The following ARHGEF10L variants were observed in gnomAD, a reference collection of about 807,000 sequenced individuals.
The protein encoded by ARHGEF10L is Rho guanine nucleotide exchange factor 10 like.
A neutral mutation model predicts 141.2 loss-of-function variants in ARHGEF10L; 69 were observed. That is an observed-to-expected ratio of 0.49 (90% CI 0.40 to 0.60). The LOEUF is 0.60. ARHGEF10L is among the 20% of genes least tolerant of loss of function. The pLI is 0.00. For synonymous variants in ARHGEF10L, 711 were observed against 718.5 expected (o/e 0.99, Z 0.17); for missense variants, 1,482 against 1,734.3 (o/e 0.85, Z 2.58).
At chr1:17,659,129 T>C (rs74061914) in intron 25 of ARHGEF10L, among the ~76,000 whole-genome samples, 10,707 of 152,112 alleles carry the variant, frequency 0.07, 1,195 homozygotes, top group African/African-American at 0.24. Context: ...AAGCACTGGG[T>C]TCCCTCTGGC....
intron 1 of ARHGEF10L, among the ~76,000 whole-genome samples, chr1:17,564,135 G>T (rs1045622435): frequency 6.6e-6 from 1 of 152,202 alleles, no homozygotes; most frequent in East Asian, 1.9e-4. Context: ...GGCACATAGT[G>T]CTTGCTCTGG....
At chr1:17,600,157 G>T (rs1425038708) in intron 4 of ARHGEF10L, among the ~76,000 whole-genome samples, 1 of 152,236 alleles carries the variant, frequency 6.6e-6, no homozygotes, top group Non-Finnish European at 1.5e-5. Flanking sequence ...TGCAGAAGAT[G>T]CCAGGATCCT....
the ARHGEF10L span, among the ~76,000 whole-genome samples, chr1:17,518,738 G>A: frequency 6.8e-6 from 1 of 147,516 alleles, no homozygotes. Flanking sequence ...GTTGCGGTGA[G>A]CCAAGATTGT....
chr1:17,668,301 C>T (rs760373045), intron 26 of ARHGEF10L, among the ~76,000 whole-genome samples: 2 of 152,232 alleles, frequency 1.3e-5, no homozygotes, highest in Admixed American at 6.5e-5. Flanking sequence ...GCCATCCTCT[C>T]GCCTCACTGG....
intron 25 of ARHGEF10L, among the ~76,000 whole-genome samples, chr1:17,663,071 G>A (rs1199896295): frequency 6.6e-6 from 1 of 152,200 alleles, no homozygotes; most frequent in Non-Finnish European, 1.5e-5. Flanking sequence ...GGCAGCCACC[G>A]GGGTTCTGTG....
At chr1:17,629,384 T>G (rs2060555782) in intron 15 of ARHGEF10L, among the ~76,000 whole-genome samples, 1 of 151,914 alleles carries the variant, frequency 6.6e-6, no homozygotes, top group African/African-American at 2.4e-5. Flanking sequence ...TTGAGAGAGA[T>G]CCTATAAAAT....
intron 1 of ARHGEF10L, among the ~76,000 whole-genome samples, chr1:17,551,110 G>A (rs746888950): frequency 2.0e-5 from 3 of 152,004 alleles, no homozygotes; most frequent in Admixed American, 1.3e-4. Context: ...GTTTGCCCAC[G>A]GCATTCCCGT....
chr1:17,562,725 G>GTTCC (rs2077591201), intron 1 of ARHGEF10L, among the ~76,000 whole-genome samples: 1 of 152,304 alleles, frequency 6.6e-6, no homozygotes, highest in Non-Finnish European at 1.5e-5. Context: ...GTGAGCTGAG[G>GTTCC]CTGCCATGTT....
intron 12 of ARHGEF10L, 110 bp from the exon 13 acceptor site, chr1:17,624,277 C>T (rs935307637): frequency 1.3e-4 from 106 of 792,870 alleles, no homozygotes; most frequent in Non-Finnish European, 1.9e-4. Context: ...TGAGTGCAGG[C>T]GCCCTTCTGC....
At chr1:17,608,360 A>G (rs940686272) in intron 7 of ARHGEF10L, among the ~76,000 whole-genome samples, 5 of 152,198 alleles carry the variant, frequency 3.3e-5, no homozygotes, top group Non-Finnish European at 5.9e-5. Flanking sequence ...AGCCTGGATC[A>G]GATCCACTTG....
In ARHGEF10L at chr1:17,656,619, T is replaced by G; in HGVS notation, c.2771T>G (p.Leu924Arg). The G allele has an allele frequency of 6.2e-7, 1 of 1,613,350 alleles. No individual in the cohort carries two copies. Among genetic ancestry groups the G allele is most frequent in the Non-Finnish European group, 8.5e-7 (1 of 1,179,934 alleles). Reference sequence around the variant, plus strand: ...CTGGTGAGCTGCAGGAGCCCAGGTCTGCAGCCTGTGCTCTGCCTGCGACAC... The same window carrying G: ...CTGGTGAGCTGCAGGAGCCCAGGTCGGCAGCCTGTGCTCTGCCTGCGACAC... ...QCLVSCRSPG[L>R]QPVLCLRHSP... The change falls in exon 25 of 29, where the codon CTG (leucine) becomes CGG (arginine). Residue 924 changes from leucine to arginine, a missense_variant. By Grantham distance (102) the Leu-to-Arg change is moderately radical. This residue lies in a region of ARHGEF10L where 858 missense variants were observed against 966.3 expected (regional missense o/e 0.89). Transcript: ENST00000361221. This position sits in a 1 kb window ranked among gnomAD's most constrained non-coding sequence, Gnocchi z 4.9.
intron 27 of ARHGEF10L, among the ~76,000 whole-genome samples, chr1:17,690,902 A>G (rs1483635452): frequency 1.3e-5 from 2 of 152,198 alleles, no homozygotes; most frequent in African/African-American, 4.8e-5. Flanking sequence ...TATTAGAGAT[A>G]TTTTTAAAAG....
chr1:17,668,139 C>T (rs1301284146), intron 26 of ARHGEF10L, among the ~76,000 whole-genome samples: 3 of 152,110 alleles, frequency 2.0e-5, no homozygotes, highest in African/African-American at 4.8e-5. Flanking sequence ...TGGCACGTGG[C>T]GAGGGCAGGG....
intron 27 of ARHGEF10L, among the ~76,000 whole-genome samples, chr1:17,692,566 C>G (rs552745398): frequency 6.6e-6 from 1 of 152,320 alleles, no homozygotes; most frequent in South Asian, 2.1e-4. Flanking sequence ...TCGCTCTGCT[C>G]CAAACAGGTC....
rs1315922312 is a variant in ARHGEF10L, at chr1:17,627,034, A to G, written c.1411-296A>G. On this transcript the variant is annotated intron_variant, in intron 14 of 28. Transcript: ENST00000361221. The surrounding 1 kb of genome is among the most constrained non-coding windows in gnomAD (Gnocchi z 4.0). The stretch of plus-strand genomic sequence containing the variant: ...TGTCGACGGACATTTTTGCCTCCAC[A>G]TTTTGGCGACTGTGGCTAATGCTGC... Among the ~76,000 whole-genome samples, 1 of 152,226 alleles carries G rather than the reference A, an allele frequency of 6.6e-6. No homozygotes were observed. The highest frequency in any genetic ancestry group is 1.5e-5 in the Non-Finnish European group (1 of 68,038).
At chr1:17,636,673 C>G (rs2061021402) in intron 18 of ARHGEF10L, among the ~76,000 whole-genome samples, 1 of 152,120 alleles carries the variant, frequency 6.6e-6, no homozygotes, top group South Asian at 2.1e-4. Context: ...TCGCCATGCT[C>G]TTTGCTTGTT....
At chr1:17,630,290 T>C (rs541132056) in intron 15 of ARHGEF10L, among the ~76,000 whole-genome samples, 85 of 152,336 alleles carry the variant, frequency 5.6e-4, no homozygotes, top group African/African-American at 1.9e-3. Context: ...GTTTGTGCAA[T>C]ATCCTGGTTT....
chr1:17,696,104 T>C (rs2065476681), intron 28 of ARHGEF10L, among the ~76,000 whole-genome samples: 1 of 151,520 alleles, frequency 6.6e-6, no homozygotes, highest in Non-Finnish European at 1.5e-5. Context: ...TCCCAGTTAC[T>C]TGGGAAGCTG....
chr1:17,690,535 C>G (rs1432553660), intron 27 of ARHGEF10L, among the ~76,000 whole-genome samples: 1 of 152,286 alleles, frequency 6.6e-6, no homozygotes, highest in Non-Finnish European at 1.5e-5. Flanking sequence ...GTGTGCCATT[C>G]CTGTCGCATC....
Sources: allele counts gnomAD v4.1 joint callset (sites outside exome capture counted in the v4.1 genomes callset), GRCh38; gene constraint gnomAD v4.1.1; regional missense constraint gnomAD v4.1.1; non-coding constraint Gnocchi (gnomAD v3.1); transcripts MANE v1.5; gene names NCBI Gene and HGNC (gene_info 2026-07-23, HGNC 2026-07-21).